GPR158: variants seen among roughly 807,000 people sequenced by gnomAD.
GPR158 encodes the protein metabotropic glycine receptor.
Under a neutral mutation model 78.2 loss-of-function variants are expected in GPR158, and 30 were observed. That is an observed-to-expected ratio of 0.38 (90% confidence interval 0.29 to 0.52). GPR158 has a LOEUF of 0.52. Among genes scored for constraint, GPR158 ranks in the 20% least tolerant of loss-of-function variants. The pLI is 0.83. For synonymous variants in GPR158, 581 were observed against 591.1 expected (o/e 0.98, Z 0.25); for missense variants, 1,463 against 1,523.5 (o/e 0.96, Z 0.66).
intron 2 of GPR158, among the ~76,000 whole-genome samples, chr10:25,291,888 A>G (rs1222111611): frequency 2.0e-5 from 3 of 152,118 alleles, no homozygotes; most frequent in East Asian, 1.9e-4. Flanking sequence ...TATAAATTCC[A>G]TTATCGATCC....
intron 2 of GPR158, among the ~76,000 whole-genome samples, chr10:25,379,370 C>T (rs1290252402): frequency 6.6e-6 from 1 of 152,094 alleles, no homozygotes; most frequent in Non-Finnish European, 1.5e-5. Flanking sequence ...AGACATATCA[C>T]CTTAACCCAA....
chr10:25,547,108 G>A (rs1271660535), intron 5 of GPR158, among the ~76,000 whole-genome samples: 1 of 152,178 alleles, frequency 6.6e-6, no homozygotes, highest in Non-Finnish European at 1.5e-5. Context: ...ATGACAGACA[G>A]TGGAATAAGA....
rs77325861 is a variant in GPR158 at position 25,342,041 on chromosome 10, A to G, written c.1009-53870A>G. ...AGTTCTAGCATCTTTGGTGGTACAA[A>G]TATACTATACCTTCATATCTTCTTA... On this transcript the variant is annotated intron_variant, in intron 2 of 10. Coordinates refer to ENST00000376351, the MANE Select transcript of GPR158 (RefSeq NM_020752.3). 6.6e-3 allele frequency among the ~76,000 whole-genome samples: 1,001 copies of G among 152,000 alleles called. 11 individuals carry two copies. Among genetic ancestry groups the G allele is most frequent in the African/African-American group, 0.023 (952 of 41,500 alleles).
intron 4 of GPR158, among the ~76,000 whole-genome samples, chr10:25,427,823 T>C (rs1834845588): frequency 6.6e-6 from 1 of 152,128 alleles, no homozygotes; most frequent in Non-Finnish European, 1.5e-5. Flanking sequence ...TTACTGTTTT[T>C]CTTAAGTTAA....
At chr10:25,212,779 C>A (rs561633392) in intron 1 of GPR158, among the ~76,000 whole-genome samples, 1 of 151,686 alleles carries the variant, frequency 6.6e-6, no homozygotes, top group Non-Finnish European at 1.5e-5. Flanking sequence ...GTACAGGCGC[C>A]CGCCACCATG....
At chr10:25,221,675 ATGCT>A (rs1312944149) in intron 2 of GPR158, among the ~76,000 whole-genome samples, 6 of 152,162 alleles carry the variant, frequency 3.9e-5, no homozygotes. Context: ...GTCCCTATTC[ATGCT>A]TGATTTGACG....
At chr10:25,399,385 G>A (rs940778876) in intron 3 of GPR158, among the ~76,000 whole-genome samples, 1 of 152,128 alleles carries the variant, frequency 6.6e-6, no homozygotes, top group African/African-American at 2.4e-5. Context: ...CAGATCAGTG[G>A]TGGCATTAGA....
At chr10:25,590,070 T>C (rs1837320973) in intron 8 of GPR158, among the ~76,000 whole-genome samples, 1 of 152,116 alleles carries the variant, frequency 6.6e-6, no homozygotes, top group South Asian at 2.1e-4. Context: ...TCAGTGAGAA[T>C]GGAAGAGCGG....
chr10:25,324,694 C>T (rs1855002450), intron 2 of GPR158, among the ~76,000 whole-genome samples: 2 of 152,086 alleles, frequency 1.3e-5, no homozygotes, highest in African/African-American at 2.4e-5. Flanking sequence ...GTAAAACATG[C>T]AGTATCTGTG....
At chr10:25,472,328 G>C (rs1157634105) in intron 5 of GPR158, among the ~76,000 whole-genome samples, 1 of 152,040 alleles carries the variant, frequency 6.6e-6, no homozygotes, top group African/African-American at 2.4e-5. Flanking sequence ...CTATATCTCT[G>C]TTTTGGTACC....
intron 2 of GPR158, among the ~76,000 whole-genome samples, chr10:25,231,116 A>G (rs1853442296): frequency 6.6e-6 from 1 of 152,094 alleles, no homozygotes. Context: ...AGATTTTCTG[A>G]TTTTTCTCTG....
At chr10:25,515,269 T>A (rs752907422) in intron 5 of GPR158, among the ~76,000 whole-genome samples, 3 of 152,130 alleles carry the variant, frequency 2.0e-5, no homozygotes, top group Non-Finnish European at 4.4e-5. Flanking sequence ...TTTCTTCTAC[T>A]TGTTTGATTC....
Position 25,599,136 on chromosome 10 carries a change from G to A in GPR158, c.3510G>A (p.Glu1170=). The A allele has an allele frequency of 9.9e-6, 16 of 1,611,324 alleles. No individual in the cohort carries two copies. Among genetic ancestry groups the A allele is most frequent in the Non-Finnish European group, 1.3e-5 (15 of 1,179,988 alleles). The change falls in exon 11 of 11, where the codon GAG becomes GAA. Residue 1170 remains glutamate (E), a synonymous_variant. Transcript: ENST00000376351. Reference sequence around the variant, plus strand: ...AGCAACCTTTAACATCACGAGCAGAGGTTTGTCCTTGGGAGTTTGAGACCC... The same window carrying A: ...AGCAACCTTTAACATCACGAGCAGAAGTTTGTCCTTGGGAGTTTGAGACCC... ...NFQQPLTSRA[E]VCPWEFETPA...
chr10:25,287,391 C>CT (rs1397999062), intron 2 of GPR158, among the ~76,000 whole-genome samples: 1 of 151,846 alleles, frequency 6.6e-6, no homozygotes, highest in Non-Finnish European at 1.5e-5. Flanking sequence ...TTTTTTGAGT[C>CT]TTTTTTTATT....
At chr10:25,280,001 T>A (rs754896712) in intron 2 of GPR158, among the ~76,000 whole-genome samples, 1 of 150,192 alleles carries the variant, frequency 6.7e-6, no homozygotes, top group African/African-American at 2.5e-5. Flanking sequence ...TAACTACTTA[T>A]GAATTAGAGG....
intron 2 of GPR158, among the ~76,000 whole-genome samples, chr10:25,226,844 T>C (rs2807230): frequency 0.14 from 21,729 of 152,120 alleles, 1,952 homozygotes; most frequent in East Asian, 0.3. Context: ...ACCAATTGCC[T>C]AAAATAAAAT....
intron 4 of GPR158, among the ~76,000 whole-genome samples, chr10:25,420,597 G>C (rs911991430): frequency 1.3e-5 from 2 of 152,080 alleles, no homozygotes; most frequent in African/African-American, 4.8e-5. Flanking sequence ...ATAGTTTTAG[G>C]ATTCACATTA....
intron 6 of GPR158, among the ~76,000 whole-genome samples, chr10:25,560,276 A>C (rs1836844281): frequency 6.6e-6 from 1 of 151,928 alleles, no homozygotes; most frequent in Non-Finnish European, 1.5e-5. Flanking sequence ...TTTTATTTTT[A>C]TTTTTTTGAG....
At chr10:25,392,421 G>T (rs1390562575) in intron 2 of GPR158, among the ~76,000 whole-genome samples, 1 of 152,236 alleles carries the variant, frequency 6.6e-6, no homozygotes, top group South Asian at 2.1e-4. Flanking sequence ...TGGGCATAAT[G>T]TGCCTAGCAG....
Sources: gnomAD v4.1 joint callset for allele counts (sites outside exome capture counted in the v4.1 genomes callset) on GRCh38, gnomAD v4.1.1 for gene constraint, MANE v1.5 for transcripts, NCBI Gene and HGNC (gene_info 2026-07-23, HGNC 2026-07-21) for gene names.